PXDNL: variants seen among roughly 807,000 people sequenced by gnomAD.
PXDNL encodes the protein probable oxidoreductase PXDNL.
PXDNL carries 145 observed loss-of-function variants against 150.8 expected under a neutral mutation model. The observed-to-expected ratio is 0.96, with a 90% CI of 0.84 to 1.10. The LOEUF (loss-of-function observed/expected upper bound fraction) is 1.10, where lower values mean the gene tolerates loss of function less well. Ranked by LOEUF, PXDNL falls within the 50% of genes least tolerant of loss-of-function variation. The pLI is 0.00. For synonymous variants in PXDNL, 757 were observed against 725.7 expected (o/e 1.04, Z -0.69); for missense variants, 2,087 against 1,873.9 (o/e 1.11, Z -2.10).
chr8:51,645,334 A>G (rs1173568589), intron 2 of PXDNL, among the ~76,000 whole-genome samples: 1 of 152,134 alleles, frequency 6.6e-6, no homozygotes, highest in African/African-American at 2.4e-5. Flanking sequence ...TCTCAGACAC[A>G]CTCAGAAATC....
intron 17 of PXDNL, among the ~76,000 whole-genome samples, chr8:51,384,772 G>A (rs1807650088): frequency 6.6e-6 from 1 of 151,948 alleles, no homozygotes; most frequent in African/African-American, 2.4e-5. Context: ...AATAATCTAA[G>A]CTATTTATAT....
chr8:51,634,611 C>T (rs535637522), intron 2 of PXDNL, among the ~76,000 whole-genome samples: 1 of 152,074 alleles, frequency 6.6e-6, no homozygotes, highest in Non-Finnish European at 1.5e-5. Flanking sequence ...AATCCATGAG[C>T]ATGGACTGTT....
chr8:51,521,265 C>A (rs141556547), intron 4 of PXDNL, among the ~76,000 whole-genome samples: 2 of 151,964 alleles, frequency 1.3e-5, no homozygotes, highest in Admixed American at 6.6e-5. Context: ...ATAAAAAAGT[C>A]TTTACTGGAA....
intron 1 of PXDNL, among the ~76,000 whole-genome samples, chr8:51,692,214 G>A (rs1274420843): frequency 6.6e-6 from 1 of 152,148 alleles, no homozygotes; most frequent in African/African-American, 2.4e-5. Context: ...TCTGACTGAT[G>A]AGCATAAAAC....
chr8:51,383,375 T>G (rs1402081450), intron 17 of PXDNL, among the ~76,000 whole-genome samples: 2 of 152,142 alleles, frequency 1.3e-5, no homozygotes, highest in Non-Finnish European at 2.9e-5. Flanking sequence ...AGCGGCATGG[T>G]TTTATGACAG....
At chr8:51,640,028 G>A (rs1814709902) in intron 2 of PXDNL, among the ~76,000 whole-genome samples, 1 of 152,124 alleles carries the variant, frequency 6.6e-6, no homozygotes, top group Non-Finnish European at 1.5e-5. Flanking sequence ...CTTCATCCCT[G>A]GGATGGAAGG....
At chr8:51,673,902 G>A (rs986833630) in intron 1 of PXDNL, among the ~76,000 whole-genome samples, 4 of 152,066 alleles carry the variant, frequency 2.6e-5, no homozygotes, top group African/African-American at 9.7e-5. Context: ...CATGCCACCA[G>A]GTCACAGATG....
chr8:51,520,505 C>A (rs1177245066), intron 4 of PXDNL, among the ~76,000 whole-genome samples: 1 of 151,974 alleles, frequency 6.6e-6, no homozygotes, highest in Non-Finnish European at 1.5e-5. Context: ...CCCAGAGGAC[C>A]CAAATCTCCT....
intron 8 of PXDNL, among the ~76,000 whole-genome samples, chr8:51,464,703 C>T (rs1490137096): frequency 6.6e-6 from 1 of 152,090 alleles, no homozygotes; most frequent in Non-Finnish European, 1.5e-5. Context: ...TAACATCACA[C>T]ACCAGGGCCT....
chr8:51,612,391 C>T (rs1316421523), intron 2 of PXDNL, among the ~76,000 whole-genome samples: 1 of 152,120 alleles, frequency 6.6e-6, no homozygotes, highest in Non-Finnish European at 1.5e-5. Context: ...ATCGAAAAGC[C>T]CACAGTTCAT....
chr8:51,469,021 G>T (rs969998516), intron 8 of PXDNL, among the ~76,000 whole-genome samples: 2 of 152,016 alleles, frequency 1.3e-5, no homozygotes, highest in African/African-American at 2.4e-5. Flanking sequence ...CCTACTTACT[G>T]AAACACAACC....
chr8:51,770,324 G>C (rs1255570234), intron 1 of PXDNL, among the ~76,000 whole-genome samples: 1 of 152,188 alleles, frequency 6.6e-6, no homozygotes, highest in African/African-American at 2.4e-5. Context: ...AACAAGCTAT[G>C]ACTGAATAGC....
chr8:51,705,069 TTTTTCAC>T (rs36046119), intron 1 of PXDNL, among the ~76,000 whole-genome samples: 1,596 of 152,270 alleles, frequency 0.01, 24 homozygotes, highest in African/African-American at 0.032. Context: ...TGGTTTCCGT[TTTTTCAC>T]TTGGTGATAA....
At chr8:51,729,181 T>C (rs1179245424) in intron 1 of PXDNL, among the ~76,000 whole-genome samples, 1 of 151,930 alleles carries the variant, frequency 6.6e-6, no homozygotes, top group Non-Finnish European at 1.5e-5. Context: ...TAGACTTCAC[T>C]AAAATTAAAA....
At chr8:51,363,503 G>C (rs989857640) in intron 19 of PXDNL, among the ~76,000 whole-genome samples, 14 of 152,088 alleles carry the variant, frequency 9.2e-5, no homozygotes, top group Admixed American at 3.9e-4. Context: ...AGCAAGCAGG[G>C]GGTACATGAC....
At chr8:51,517,212 G>C (rs1563447146) in intron 4 of PXDNL, among the ~76,000 whole-genome samples, 1 of 151,936 alleles carries the variant, frequency 6.6e-6, no homozygotes, top group Non-Finnish European at 1.5e-5. Context: ...TGATTTCATT[G>C]GGCTGGGTGA....
intron 4 of PXDNL, among the ~76,000 whole-genome samples, chr8:51,533,680 T>C (rs1218027075): frequency 2.0e-5 from 3 of 147,292 alleles, no homozygotes; most frequent in African/African-American, 7.6e-5. Flanking sequence ...GGAGACGGGG[T>C]TTTGCTGTGT....
At chr8:51,626,619 G>A (rs985095843) in intron 2 of PXDNL, among the ~76,000 whole-genome samples, 3 of 152,144 alleles carry the variant, frequency 2.0e-5, no homozygotes, top group African/African-American at 7.2e-5. Context: ...ACCTGGCACA[G>A]GTAAACTTAG....
chr8:51,559,594 A>C (rs1812678617), intron 3 of PXDNL, among the ~76,000 whole-genome samples: 1 of 152,018 alleles, frequency 6.6e-6, no homozygotes, highest in Admixed American at 6.6e-5. Context: ...ACACTAAAGC[A>C]TCTCTAGAGT....
Sources: gnomAD v4.1 joint callset for allele counts (sites outside exome capture counted in the v4.1 genomes callset) on GRCh38, gnomAD v4.1.1 for gene constraint, MANE v1.5 for transcripts, NCBI Gene and HGNC (gene_info 2026-07-23, HGNC 2026-07-21) for gene names.